Variants in RIPK1 observed in about 807,000 individuals in gnomAD.
RIPK1 encodes the protein receptor interacting serine/threonine kinase 1.
Under a neutral mutation model 62.4 loss-of-function variants are expected in RIPK1, and 27 were observed. The observed-to-expected ratio is 0.43, with a 90% CI of 0.32 to 0.60. The LOEUF (loss-of-function observed/expected upper bound fraction) is 0.60. Among genes scored for constraint, RIPK1 ranks in the 20% least tolerant of loss-of-function variants. RIPK1 has a pLI of 0.07. For missense variants in RIPK1, 735 were observed against 831.0 expected (o/e 0.88, Z 1.42); for synonymous variants, 287 against 303.2 (o/e 0.95, Z 0.55).
intron 7 of RIPK1, 43 bp downstream of exon 7, chr6:3,089,700 T>C (rs781018884): frequency 4.9e-6 from 5 of 1,026,624 alleles, no homozygotes; most frequent in Non-Finnish European, 7.5e-6. Context: ...CATAGCAAAA[T>C]ATATACTGTC....
At chr6:3,069,378 T>C (rs1278621879) in intron 1 of RIPK1, among the ~76,000 whole-genome samples, 3 of 151,990 alleles carry the variant, frequency 2.0e-5, no homozygotes, top group Non-Finnish European at 4.4e-5. Flanking sequence ...TGTGAAGTGC[T>C]GCGGACCCTC....
chr6:3,079,268 C>T (rs564780522), intron 3 of RIPK1, among the ~76,000 whole-genome samples: 2 of 152,160 alleles, frequency 1.3e-5, no homozygotes, highest in East Asian at 3.9e-4. Context: ...TTAGTAGAGA[C>T]AAGTTTTCAC....
At chr6:3,109,044 G>C (rs921169029) in intron 9 of RIPK1, among the ~76,000 whole-genome samples, 13 of 152,142 alleles carry the variant, frequency 8.5e-5, no homozygotes, top group African/African-American at 2.9e-4. Context: ...TTTAGGGACA[G>C]TACCAACACT....
At chr6:3,107,166 C>T (rs1305051483) in intron 9 of RIPK1, among the ~76,000 whole-genome samples, 1 of 151,746 alleles carries the variant, frequency 6.6e-6, no homozygotes, top group Non-Finnish European at 1.5e-5. Context: ...GCAGGAGAAT[C>T]ACTTGAACCC....
chr6:3,076,890 C>T lies in RIPK1; in HGVS notation c.67C>T (p.Leu23=), dbSNP rs1337684132. 2.5e-6 allele frequency: 4 copies of T among 1,610,758 alleles called. No homozygotes were observed. The African/African-American group carries it at 4.0e-5, about 16-fold the overall frequency. Residue 23 remains leucine, a synonymous_variant, in exon 2 of 11, where the codon CTG becomes TTG. Transcript: ENST00000259808. ...KSSDFLESAE[L]DSGGFGKVSL... ...CAGTGACTTCCTGGAGAGTGCAGAA[C>T]TGGACAGCGGAGGCTTTGGGAAGGT...
intron 5 of RIPK1, 55 bp downstream of exon 5, chr6:3,083,368 C>T: frequency 6.9e-7 from 1 of 1,443,244 alleles, no homozygotes; most frequent in Admixed American, 2.0e-5. Context: ...ACGCACTGTG[C>T]CTGGAACTAA....
chr6:3,086,150 G>A (rs1046610897), intron 6 of RIPK1, among the ~76,000 whole-genome samples: 11 of 152,172 alleles, frequency 7.2e-5, no homozygotes, highest in Non-Finnish European at 1.0e-4. Context: ...TGTTTGCTGA[G>A]CAGTATTCTA....
chr6:3,101,374 G>C (rs1337972961), intron 7 of RIPK1, among the ~76,000 whole-genome samples: 1 of 152,214 alleles, frequency 6.6e-6, no homozygotes, highest in Non-Finnish European at 1.5e-5. Flanking sequence ...AGGATTGCTT[G>C]AGCCCAGGAG....
rs1758768839 is a variant in RIPK1 at position 3,072,401 on chromosome 6, AT to A, written c.-61+3741del. 1.3e-5 allele frequency among the ~76,000 whole-genome samples: 2 copies of A among 151,942 alleles called. No homozygotes were observed. Among genetic ancestry groups the A allele is most frequent in the African/African-American group, 4.8e-5 (2 of 41,318 alleles). On this transcript the variant is annotated intron_variant, in intron 1 of 10. Transcript: ENST00000259808. The surrounding 1 kb of genome is among the most constrained non-coding windows in gnomAD (Gnocchi z 5.6). The stretch of plus-strand genomic sequence containing the variant: ...TCTTTATCTATTTACATATATATAT[AT>A]ATAAAACACACACAAATGTGAATAT...
intron 7 of RIPK1, among the ~76,000 whole-genome samples, chr6:3,100,385 C>A (rs1760531762): frequency 6.6e-6 from 1 of 151,902 alleles, no homozygotes; most frequent in African/African-American, 2.4e-5. Flanking sequence ...GATTGTGCCA[C>A]TACACTCCAT....
upstream of RIPK1, among the ~76,000 whole-genome samples, chr6:3,066,548 A>T: frequency 6.6e-6 from 1 of 152,108 alleles, no homozygotes; most frequent in East Asian, 1.9e-4. Context: ...TCTTTTAAAA[A>T]ATAATGAATA....
intron 5 of RIPK1, among the ~76,000 whole-genome samples, chr6:3,084,040 C>T (rs1373980226): frequency 6.6e-6 from 1 of 152,076 alleles, no homozygotes; most frequent in Non-Finnish European, 1.5e-5. Context: ...CGCCCTTGCC[C>T]CTCTCTCCCA....
At chr6:3,104,764 C>T (rs1355911838) in intron 8 of RIPK1, among the ~76,000 whole-genome samples, 1 of 152,168 alleles carries the variant, frequency 6.6e-6, no homozygotes, top group Non-Finnish European at 1.5e-5. Flanking sequence ...TTAACCTCTT[C>T]TAAACTTCAC....
chr6:3,089,694 G>C (rs1241929704), intron 7 of RIPK1, 37 bp downstream of exon 7: 1 of 1,076,246 alleles, frequency 9.3e-7, no homozygotes, highest in South Asian at 1.4e-5. Flanking sequence ...TATTAACATA[G>C]CAAAATATAT....
chr6:3,070,335 A>C (rs1045510501), intron 1 of RIPK1, among the ~76,000 whole-genome samples: 21 of 152,174 alleles, frequency 1.4e-4, no homozygotes, highest in African/African-American at 4.6e-4. Context: ...GAAAATACTT[A>C]ATTTCCCATG....
chr6:3,075,079 C>T (rs1467046624), intron 1 of RIPK1, among the ~76,000 whole-genome samples: 1 of 152,240 alleles, frequency 6.6e-6, no homozygotes, highest in Admixed American at 6.5e-5. Flanking sequence ...ACCAGTGTGT[C>T]CGTGTCCTGT....
At chr6:3,110,301 T>C (rs140103172) in intron 9 of RIPK1, among the ~76,000 whole-genome samples, 2 of 150,254 alleles carry the variant, frequency 1.3e-5, no homozygotes, top group African/African-American at 2.4e-5. Flanking sequence ...CTCCGCCTCC[T>C]GGGTTCAAGT....
At chr6:3,067,740 CTT>C (rs149016655), upstream of RIPK1, among the ~76,000 whole-genome samples, 113,862 of 147,312 alleles carry the variant, frequency 0.77, 44,143 homozygotes, top group Non-Finnish European at 0.84. Context: ...TCCTGTTGTG[CTT>C]TTTTTTTTTT....
chr6:3,087,806 G>T (rs1036607423), intron 6 of RIPK1, among the ~76,000 whole-genome samples: 1 of 149,142 alleles, frequency 6.7e-6, no homozygotes, highest in African/African-American at 2.5e-5. Context: ...CCCAAAGTGT[G>T]GGATTACAGG....
Sources: gnomAD v4.1 joint callset for allele counts (sites outside exome capture counted in the v4.1 genomes callset) on GRCh38, gnomAD v4.1.1 for gene constraint, Gnocchi (gnomAD v3.1) non-coding constraint, MANE v1.5 for transcripts, NCBI Gene and HGNC (gene_info 2026-07-23, HGNC 2026-07-21) for gene names.